The following SLC24A2 variants were observed in gnomAD, a reference collection of about 807,000 sequenced individuals.
The protein encoded by SLC24A2 is solute carrier family 24 member 2.
Under a neutral mutation model 62.0 loss-of-function variants are expected in SLC24A2, and 36 were observed. The ratio of observed to expected loss-of-function variants is 0.58; its 90% CI spans 0.44 to 0.77. The LOEUF (loss-of-function observed/expected upper bound fraction) is 0.77. SLC24A2 is among the 30% of genes least tolerant of loss of function. The pLI is 0.00. For synonymous variants in SLC24A2, 358 were observed against 294.0 expected (o/e 1.22, Z -2.23); for missense variants, 846 against 817.9 (o/e 1.03, Z -0.42).
chr9:20,103,016 G>C, the SLC24A2 span, among the ~76,000 whole-genome samples: 2 of 152,182 alleles, frequency 1.3e-5, no homozygotes, highest in African/African-American at 2.4e-5. Flanking sequence ...TTTCCGATGG[G>C]CTTAAAAAAC....
intron 2 of SLC24A2, among the ~76,000 whole-genome samples, chr9:19,661,681 T>C (rs561894314): frequency 7.0e-4 from 106 of 151,936 alleles, no homozygotes; most frequent in African/African-American, 2.4e-3. Context: ...ATCCTCTGAG[T>C]TTTTTCAAAA....
chr9:20,044,050 C>T, the SLC24A2 span, among the ~76,000 whole-genome samples: 11 of 152,132 alleles, frequency 7.2e-5, no homozygotes, highest in East Asian at 1.9e-4. Context: ...CAGCCATCAA[C>T]GTCAAGACAA....
At chr9:20,067,239 A>G in the SLC24A2 span, among the ~76,000 whole-genome samples, 3 of 152,214 alleles carry the variant, frequency 2.0e-5, no homozygotes, top group African/African-American at 7.2e-5. Flanking sequence ...GAGAACTATT[A>G]CATGATATTT....
chr9:19,861,948 A>C, the SLC24A2 span, among the ~76,000 whole-genome samples: 1 of 152,200 alleles, frequency 6.6e-6, no homozygotes, highest in East Asian at 1.9e-4. Context: ...TACGGGATCT[A>C]GAGAATAGCT....
At chr9:20,099,114 G>C in the SLC24A2 span, among the ~76,000 whole-genome samples, 3 of 152,220 alleles carry the variant, frequency 2.0e-5, no homozygotes, top group Non-Finnish European at 4.4e-5. Context: ...GAGGAAACTA[G>C]ACATTACCCA....
chr9:19,931,162 C>G, the SLC24A2 span, among the ~76,000 whole-genome samples: 2 of 152,166 alleles, frequency 1.3e-5, no homozygotes, highest in Non-Finnish European at 2.9e-5. Flanking sequence ...TCAACACCAA[C>G]AGATACAAGA....
At chr9:19,846,184 G>A in the SLC24A2 span, among the ~76,000 whole-genome samples, 1 of 152,156 alleles carries the variant, frequency 6.6e-6, no homozygotes, top group Admixed American at 6.5e-5. Flanking sequence ...AACATTTTCA[G>A]TGGGGTGTTG....
In SLC24A2 at chr9:19,513,153, GATATATATATAT is replaced by G. The variant is rs1188899124; in HGVS notation, c.*2988_*2999del. ...TGTGTACATATAGATCTGGTATAAA[GATATATATATAT>G]ATATATATATGTATATATATATATA... On this transcript the variant is annotated 3_prime_UTR_variant, in exon 11 of 11. Coordinates refer to ENST00000341998, the MANE Select transcript of SLC24A2 (RefSeq NM_020344.4). The G allele has an allele frequency of 2.5e-5, 2 of 80,590 alleles. No homozygotes were observed. The highest frequency in any genetic ancestry group is 3.9e-4 in the South Asian group (1 of 2,566). The allele number at this position is 80,590 out of a possible 1,614,324, so 5.0% of individuals were successfully genotyped here.
At chr9:20,278,467 G>T in the SLC24A2 span, among the ~76,000 whole-genome samples, 1 of 152,048 alleles carries the variant, frequency 6.6e-6, no homozygotes, top group African/African-American at 2.4e-5. Flanking sequence ...CACCTCTCAA[G>T]TTCAAAGTTC....
the SLC24A2 span, among the ~76,000 whole-genome samples, chr9:19,882,628 G>A: frequency 2.0e-5 from 3 of 150,510 alleles, no homozygotes; most frequent in Admixed American, 2.0e-4. Context: ...CTGGGGATTT[G>A]GTCCCTCTGC....
At chr9:20,106,567 C>A in the SLC24A2 span, among the ~76,000 whole-genome samples, 1 of 152,112 alleles carries the variant, frequency 6.6e-6, no homozygotes, top group Non-Finnish European at 1.5e-5. Flanking sequence ...TAAATGTAAT[C>A]CAGCATGTAA....
chr9:20,045,356 C>T, the SLC24A2 span, among the ~76,000 whole-genome samples: 1 of 152,150 alleles, frequency 6.6e-6, no homozygotes, highest in Non-Finnish European at 1.5e-5. Flanking sequence ...AATGATACTT[C>T]AGCTAAGACT....
rs1832789540 is a variant in SLC24A2, at chr9:19,513,173, T to TAC, written c.*2979_*2980insGT. 1 of 59,704 alleles carries TAC rather than the reference T, an allele frequency of 1.7e-5. No individual in the cohort carries two copies. Among genetic ancestry groups the TAC allele is most frequent in the South Asian group, 5.4e-4 (1 of 1,852 alleles). The allele number at this position is 59,704 out of a possible 1,614,324, so 3.7% of individuals were successfully genotyped here. On this transcript the variant is annotated 3_prime_UTR_variant, in exon 11 of 11. Transcript: ENST00000341998. ...ATAAAGATATATATATATATATATA[T>TAC]ATGTATATATATATATATGTATATA...
the SLC24A2 span, chr9:19,895,688 C>T: frequency 2.2e-6 from 2 of 906,070 alleles, no homozygotes; most frequent in Non-Finnish European, 1.7e-6. Context: ...CTTCACATTG[C>T]ACTGTTCATT....
chr9:19,783,369 C>G (rs1174706084), intron 2 of SLC24A2, among the ~76,000 whole-genome samples: 2 of 152,164 alleles, frequency 1.3e-5, no homozygotes, highest in African/African-American at 4.8e-5. Context: ...TTCCTAAATT[C>G]TTGTACAGCA....
At chr9:19,710,116 T>C (rs1317963464) in intron 2 of SLC24A2, among the ~76,000 whole-genome samples, 1 of 152,120 alleles carries the variant, frequency 6.6e-6, no homozygotes, top group Non-Finnish European at 1.5e-5. Flanking sequence ...AGAAGAAAGA[T>C]TGGAGAGGGG....
chr9:19,532,175 T>C (rs531563539), intron 8 of SLC24A2, among the ~76,000 whole-genome samples: 1 of 152,262 alleles, frequency 6.6e-6, no homozygotes, highest in Admixed American at 6.5e-5. Context: ...CTCCACCTTG[T>C]GGGTTCAAGT....
At chr9:19,980,475 T>A in the SLC24A2 span, among the ~76,000 whole-genome samples, 1 of 152,150 alleles carries the variant, frequency 6.6e-6, no homozygotes, top group Admixed American at 6.6e-5. Context: ...TTAGAGCAAG[T>A]GAGAATTACA....
the SLC24A2 span, among the ~76,000 whole-genome samples, chr9:20,170,636 G>A: frequency 2.6e-5 from 4 of 151,902 alleles, no homozygotes; most frequent in East Asian, 7.8e-4. Context: ...AGTAACTAGG[G>A]ACAAGGAGAA....
Sources: allele counts gnomAD v4.1 joint callset (sites outside exome capture counted in the v4.1 genomes callset), GRCh38; gene constraint gnomAD v4.1.1; transcripts MANE v1.5; gene names NCBI Gene and HGNC (gene_info 2026-07-23, HGNC 2026-07-21).